FOXN3: variants seen among roughly 807,000 people sequenced by gnomAD.
FOXN3 encodes forkhead box protein N3.
In FOXN3, 7 loss-of-function variants were observed where a neutral mutation model predicts 38.4. The observed-to-expected ratio is 0.18, with a 90% CI of 0.10 to 0.34. FOXN3 has a LOEUF of 0.34. Ranked by LOEUF, FOXN3 falls within the 10% of genes least tolerant of loss-of-function variation. FOXN3 has a pLI of 1.00. For synonymous variants in FOXN3, 230 were observed against 242.2 expected, an observed-to-expected ratio of 0.95 and a Z score of 0.47; for missense variants, 456 against 613.4, an observed-to-expected ratio of 0.74 and a Z score of 2.71.
At chr14:89,305,140 C>T (rs890366294) in intron 3 of FOXN3, among the ~76,000 whole-genome samples, 3 of 152,108 alleles carry the variant, frequency 2.0e-5, no homozygotes, top group Non-Finnish European at 4.4e-5. Flanking sequence ...AGCACCAGGA[C>T]GGATCACACA....
At chr14:89,280,672 G>T (rs1166832954) in intron 4 of FOXN3, among the ~76,000 whole-genome samples, 1 of 151,988 alleles carries the variant, frequency 6.6e-6, no homozygotes, top group Non-Finnish European at 1.5e-5. Context: ...ACCAAAGCAA[G>T]CCGAACACTT....
chr14:89,171,636 G>C (rs994515892), intron 5 of FOXN3, among the ~76,000 whole-genome samples: 3 of 151,966 alleles, frequency 2.0e-5, no homozygotes, highest in Non-Finnish European at 4.4e-5. Context: ...AAAAAAGAAA[G>C]AAAAATTTTA....
At chr14:89,555,019 G>C (rs1296167780) in intron 1 of FOXN3, among the ~76,000 whole-genome samples, 3 of 151,824 alleles carry the variant, frequency 2.0e-5, no homozygotes, top group African/African-American at 4.8e-5. Context: ...TCAAAGTCCT[G>C]ACCTCAGGTG....
chr14:89,336,320 C>T (rs1255605565), intron 3 of FOXN3, among the ~76,000 whole-genome samples: 1 of 152,102 alleles, frequency 6.6e-6, no homozygotes, highest in Non-Finnish European at 1.5e-5. Context: ...GGCTCTCCCT[C>T]TAATTGTCAT....
chr14:89,342,464 T>A (rs944737322), intron 3 of FOXN3, among the ~76,000 whole-genome samples: 3 of 152,206 alleles, frequency 2.0e-5, no homozygotes, highest in African/African-American at 4.8e-5. Context: ...TCAGGAAATA[T>A]AATGGAAGTC....
intron 1 of FOXN3, among the ~76,000 whole-genome samples, chr14:89,429,827 A>G (rs1021192147): frequency 2.0e-5 from 3 of 152,216 alleles, no homozygotes; most frequent in African/African-American, 7.2e-5. Flanking sequence ...TATTCACTAC[A>G]ACACTGATCC....
intron 3 of FOXN3, among the ~76,000 whole-genome samples, chr14:89,332,887 C>T (rs1238538149): frequency 6.6e-6 from 1 of 152,090 alleles, no homozygotes; most frequent in African/African-American, 2.4e-5. Context: ...CTAAACAAAT[C>T]CCACAAATAA....
rs1052115146 is a variant in FOXN3 at position 89,159,566 on chromosome 14, T to C, written c.*2848A>G. The C allele has an allele frequency of 1.3e-5, 2 of 152,502 alleles. No homozygotes were observed. Among genetic ancestry groups the C allele is most frequent in the African/African-American group, 2.4e-5 (1 of 41,454 alleles). The allele number at this position is 152,502 out of a possible 1,614,324, so 9.4% of individuals were successfully genotyped here. ...TTTCTAAAAGAGGCCTCTGCCCCTT[T>C]AGAAAAATGAAATGAGGGGAGACAG... On this transcript the variant is annotated 3_prime_UTR_variant, in exon 6 of 6. Transcript: ENST00000557258.
At position 89,522,887 on chromosome 14, in the gene FOXN3, G is replaced by T. The variant is rs1468231147; in HGVS notation, c.-15+96141C>A. 6.0e-5 allele frequency among the ~76,000 whole-genome samples: 9 copies of T among 150,226 alleles called. 1 individual carries two copies. The East Asian group carries it at 1.8e-3, about 29-fold the overall frequency. ...ATCAATAATCACGTTATATATAAAT[G>T]GTCTAAATACCCCAATTAAAAACAC... is the stretch of plus-strand genomic sequence containing the variant. On this transcript the variant is annotated intron_variant, in intron 1 of 6. Coordinates refer to the FOXN3 transcript ENST00000345097.
chr14:89,348,999 A>T (rs2140005997), intron 3 of FOXN3, among the ~76,000 whole-genome samples: 1 of 152,300 alleles, frequency 6.6e-6, no homozygotes, highest in Middle Eastern at 3.4e-3. Flanking sequence ...ACTTCCTAGA[A>T]GCAAAGGGAG....
intron 4 of FOXN3, among the ~76,000 whole-genome samples, chr14:89,189,308 A>C (rs530322979): frequency 6.6e-6 from 1 of 152,328 alleles, no homozygotes; most frequent in Admixed American, 6.5e-5. Context: ...ATCCACTCCA[A>C]AGGCAGGGAC....
chr14:89,370,531 T>G (rs1173031203), intron 2 of FOXN3, among the ~76,000 whole-genome samples: 1 of 152,246 alleles, frequency 6.6e-6, no homozygotes, highest in Non-Finnish European at 1.5e-5. Flanking sequence ...TGCACATCTG[T>G]GCCCATGCTG....
intron 5 of FOXN3, among the ~76,000 whole-genome samples, chr14:89,165,504 G>C (rs1038554722): frequency 6.6e-6 from 1 of 152,194 alleles, no homozygotes; most frequent in Non-Finnish European, 1.5e-5. Context: ...CCAAGTCAGA[G>C]GAAACAGGCC....
intron 4 of FOXN3, among the ~76,000 whole-genome samples, chr14:89,210,967 G>A (rs1387886695): frequency 6.6e-6 from 1 of 152,188 alleles, no homozygotes; most frequent in Non-Finnish European, 1.5e-5. Context: ...CTCTCTGGCA[G>A]CTTATTTTCT....
intron 2 of FOXN3, among the ~76,000 whole-genome samples, chr14:89,383,058 T>A (rs1890702774): frequency 6.8e-6 from 1 of 147,660 alleles, no homozygotes; most frequent in East Asian, 1.9e-4. Flanking sequence ...TTTTTTTCCT[T>A]TTTTGGCTAG....
At chr14:89,353,510 T>C (rs889765198) in intron 2 of FOXN3, 1 of 152,118 alleles carries the variant, frequency 6.6e-6, no homozygotes, top group Non-Finnish European at 1.5e-5. Flanking sequence ...AAGAGCTTTT[T>C]GACATTCTCA....
chr14:89,544,548 G>A lies in FOXN3; in HGVS notation c.-15+74480C>T, dbSNP rs373653473. Among the ~76,000 whole-genome samples the A allele has an allele frequency of 1.3e-4, 20 of 152,222 alleles. No individual in the cohort carries two copies. The East Asian group carries it at 3.9e-3, about 29-fold the overall frequency. On this transcript the variant is annotated intron_variant, in intron 1 of 6. Coordinates refer to the FOXN3 transcript ENST00000345097. The stretch of plus-strand genomic sequence containing the variant: ...AGATCCCAACCTTATGCTGTAGGGC[G>A]ACAGAGAAAGGTAAGACCTTGGGCC...
chr14:89,319,811 G>C (rs1887846749), intron 3 of FOXN3, among the ~76,000 whole-genome samples: 1 of 152,180 alleles, frequency 6.6e-6, no homozygotes, highest in Admixed American at 6.5e-5. Context: ...TAATCCTTGA[G>C]TAATGTTCAG....
chr14:89,499,754 C>G (rs1893758227), intron 1 of FOXN3, among the ~76,000 whole-genome samples: 1 of 152,128 alleles, frequency 6.6e-6, no homozygotes, highest in Admixed American at 6.6e-5. Flanking sequence ...GACATCTAGT[C>G]AGACTAAAGT....
Sources: gnomAD v4.1 joint callset for allele counts (sites outside exome capture counted in the v4.1 genomes callset) on GRCh38, gnomAD v4.1.1 for gene constraint, MANE v1.5 for transcripts, NCBI Gene and HGNC (gene_info 2026-07-23, HGNC 2026-07-21) for gene names.